HHIPL2: variants seen among roughly 807,000 people sequenced by gnomAD.
The protein encoded by HHIPL2 is HHIP like 2, also known as HHIP-like protein 2.
A neutral mutation model predicts 61.0 loss-of-function variants in HHIPL2; 61 were observed. The ratio of observed to expected loss-of-function variants is 1.00; its 90% CI spans 0.81 to 1.24. The LOEUF is 1.24. Ranked by LOEUF, HHIPL2 falls within the 50% of genes most tolerant of loss-of-function variation. HHIPL2 has a pLI of 0.00. For synonymous variants in HHIPL2, 343 were observed against 357.4 expected (o/e 0.96, Z 0.45); for missense variants, 885 against 910.2 (o/e 0.97, Z 0.36).
chr1:222,529,553 C>A (rs774731404), intron 6 of HHIPL2, among the ~76,000 whole-genome samples: 4 of 152,258 alleles, frequency 2.6e-5, no homozygotes, highest in Non-Finnish European at 5.9e-5. Flanking sequence ...TAGGAGAAAA[C>A]AATGCTAGAA....
At position 222,547,706 on chromosome 1, in the gene HHIPL2, G is replaced by A. The variant is rs1412416287; in HGVS notation, c.321+18C>T. 6.2e-7 allele frequency: 1 copy of A among 1,603,582 alleles called. No homozygotes were observed. The highest frequency in any genetic ancestry group is 2.2e-5 in the East Asian group (1 of 44,674). ...CCCAGCACCCAAACCCCTGGGGCTG[G>A]AAGGCACTTTTCACTACCTGGCAAA... On this transcript the variant is annotated intron_variant, in intron 1 of 8. Transcript: ENST00000343410.
rs975237961 is a variant in HHIPL2, at chr1:222,522,479, C to A, written c.*122G>T. ...CAAGATTTCCCAGGGAGAGGAAAAC[C>A]GCCCTGCCCCACCTCTACCCTGGCT... On this transcript the variant is annotated 3_prime_UTR_variant, in exon 9 of 9. Coordinates refer to ENST00000343410, the MANE Select transcript of HHIPL2 (RefSeq NM_024746.4). 8 of 1,024,038 alleles carry A rather than the reference C, an allele frequency of 7.8e-6. No individual in the cohort carries two copies. In the Admixed American group the frequency reaches 1.8e-4, roughly 23 times the overall value. 63.4% of individuals were successfully genotyped at this position (1,024,038 alleles called of 1,614,324 possible). A position where few individuals can be genotyped will look rare whatever the true frequency, so the allele number is the denominator to read the frequency against.
Position 222,542,023 on chromosome 1 carries a change from A to T in HHIPL2, c.1107T>A (p.Asn369Lys). ...CCCATCCAGCTTACTTGTTCTGAGCATTTCCAAACAGGCCAAAGGGATCTC... is the reference window on the plus strand; with the variant it reads ...CCCATCCAGCTTACTTGTTCTGAGCTTTTCCAAACAGGCCAAAGGGATCTC... ...QAGDPFGLFGNAQNKSSLLGK... is the reference protein window; with the variant it reads ...QAGDPFGLFGKAQNKSSLLGK... The change falls in exon 3 of 9, where the codon AAT (asparagine) becomes AAA (lysine). Residue 369 changes from asparagine (N) to lysine (K), a missense_variant. By Grantham distance (94) the Asn-to-Lys change is moderately conservative. Coordinates refer to ENST00000343410, the MANE Select transcript of HHIPL2 (RefSeq NM_024746.4). 6.2e-7 allele frequency: 1 copy of T among 1,612,086 alleles called. No homozygotes were observed.
intron 5 of HHIPL2, among the ~76,000 whole-genome samples, chr1:222,537,579 C>T (rs1244970125): frequency 6.6e-6 from 1 of 150,696 alleles, no homozygotes; most frequent in East Asian, 2.0e-4. Context: ...TTGCAGTGAG[C>T]CGAGATCGCA....
chr1:222,540,174 C>T lies in HHIPL2; in HGVS notation c.1286G>A (p.Gly429Glu), dbSNP rs2102619469. The stretch of plus-strand genomic sequence containing the variant: ...TCGGCCCTGGCGCGTGATGGGGTCC[C>T]CTCGGTCCACAGCACAACGCCACAT... ...RNMWRCAVDR[G>E]DPITRQGRGR... is the part of the protein sequence containing the mutation. Residue 429 changes from glycine to glutamate, a missense_variant, in exon 4 of 9, where the codon GGG becomes GAG. Transcript: ENST00000343410. 3.7e-6 allele frequency: 6 copies of T among 1,614,260 alleles called. No homozygotes were observed. The highest frequency in any genetic ancestry group is 3.3e-4 in the Middle Eastern group (2 of 6,062).
At chr1:222,541,376 T>C (rs542308492) in intron 3 of HHIPL2, among the ~76,000 whole-genome samples, 104 of 152,322 alleles carry the variant, frequency 6.8e-4, no homozygotes, top group Admixed American at 2.3e-3. Flanking sequence ...TTACTCATTG[T>C]ACGACCTCTG....
In HHIPL2 at chr1:222,522,395, A is replaced by G; in HGVS notation, c.*206T>C. ...CCCAGGTGCACCAGCAATCTGGGAT[A>G]TGGTCTCCCACAGAAGCACTGCATA... On this transcript the variant is annotated 3_prime_UTR_variant, in exon 9 of 9. Transcript: ENST00000343410. The G allele has an allele frequency of 1.7e-6, 1 of 603,092 alleles. No individual in the cohort carries two copies. The highest frequency in any genetic ancestry group is 2.9e-6 in the Non-Finnish European group (1 of 341,084). The allele number at this position is 603,092 out of a possible 1,614,324, so 37.4% of individuals were successfully genotyped here.
intron 7 of HHIPL2, among the ~76,000 whole-genome samples, chr1:222,525,735 A>C (rs1474111432): frequency 6.6e-6 from 1 of 152,188 alleles, no homozygotes; most frequent in Non-Finnish European, 1.5e-5. Context: ...ATGGTGGCAC[A>C]CACCTGTAAT....
chr1:222,522,952 A>G (rs1293426643), intron 8 of HHIPL2, 65 bp from the exon 9 acceptor site: 3 of 1,311,026 alleles, frequency 2.3e-6, no homozygotes, highest in South Asian at 1.3e-5. Flanking sequence ...AGAGAAAACT[A>G]TAACTGCATT....
intron 5 of HHIPL2, among the ~76,000 whole-genome samples, chr1:222,532,499 AGCTACTCGGGAG>A (rs1200896058): frequency 6.6e-6 from 1 of 152,068 alleles, no homozygotes; most frequent in Non-Finnish European, 1.5e-5. Context: ...CTATAGTCCC[AGCTACTCGGGAG>A]GCTGAGGCAC....
intron 6 of HHIPL2, among the ~76,000 whole-genome samples, chr1:222,529,413 G>T (rs917145190): frequency 6.6e-6 from 1 of 152,120 alleles, no homozygotes; most frequent in Admixed American, 6.6e-5. Flanking sequence ...GTGTACACAG[G>T]CAGGGGCCCC....
chr1:222,525,665 G>A (rs1317598899), intron 7 of HHIPL2, among the ~76,000 whole-genome samples: 1 of 152,182 alleles, frequency 6.6e-6, no homozygotes, highest in Non-Finnish European at 1.5e-5. Context: ...TAATTCAGGG[G>A]GAGATTTTCT....
intron 7 of HHIPL2, among the ~76,000 whole-genome samples, chr1:222,526,000 T>TAAATAAA (rs752254906): frequency 2.5e-4 from 38 of 151,572 alleles, no homozygotes; most frequent in African/African-American, 8.7e-4. Context: ...CTGTGTCTAT[T>TAAATAAA]AAATAAAAAA....
In HHIPL2 at chr1:222,540,296, T is replaced by C; in HGVS notation, c.1164A>G (p.Ala388=). The change falls in exon 4 of 9, where the codon GCA becomes GCG. Residue 388 remains alanine, a synonymous_variant. Coordinates refer to ENST00000343410, the MANE Select transcript of HHIPL2 (RefSeq NM_024746.4). ...GKVLRIDVNR[A]GSHGKRYRVP... ...CTCGGTACCGCTTGCCATGTGAGCCTGCCCTGTTCACATCGATCCTTAAAA... is the reference window on the plus strand; with the variant it reads ...CTCGGTACCGCTTGCCATGTGAGCCCGCCCTGTTCACATCGATCCTTAAAA... 6.2e-7 allele frequency: 1 copy of C among 1,613,924 alleles called. No individual in the cohort carries two copies. Among genetic ancestry groups the C allele is most frequent in the South Asian group, 1.1e-5 (1 of 91,018 alleles).
chr1:222,547,181 A>G (rs1271585441), intron 1 of HHIPL2, among the ~76,000 whole-genome samples: 2 of 152,206 alleles, frequency 1.3e-5, no homozygotes, highest in Non-Finnish European at 2.9e-5. Flanking sequence ...AGCAGCTTGC[A>G]TCTCTCTCTT....
At chr1:222,534,577 T>TAAAAAAAAA (rs67437927) in intron 5 of HHIPL2, among the ~76,000 whole-genome samples, 28 of 72,612 alleles carry the variant, frequency 3.9e-4, no homozygotes, top group East Asian at 1.4e-3. Context: ...ACTCCATCTC[T>TAAAAAAAAA]AAAAAAAAAA....
At chr1:222,544,273 A>C in intron 1 of HHIPL2, 84 bp from the exon 2 acceptor site, 4 of 1,425,784 alleles carry the variant, frequency 2.8e-6, no homozygotes, top group South Asian at 1.3e-5. Flanking sequence ...CAGAAAGAAA[A>C]AATGGTGCTA....
chr1:222,527,696 G>C (rs149077732), intron 6 of HHIPL2, among the ~76,000 whole-genome samples: 1 of 152,276 alleles, frequency 6.6e-6, no homozygotes, highest in East Asian at 1.9e-4. Flanking sequence ...ATTCCCACAT[G>C]TTGTGGGAGT....
intron 4 of HHIPL2, 140 bp downstream of exon 4, chr1:222,539,870 G>A: frequency 1.5e-6 from 1 of 685,622 alleles, no homozygotes; most frequent in South Asian, 1.9e-5. Flanking sequence ...AGGACCGGTT[G>A]GAGAAGCACT....
Sources: allele counts gnomAD v4.1 joint callset (sites outside exome capture counted in the v4.1 genomes callset), GRCh38; gene constraint gnomAD v4.1.1; transcripts MANE v1.5; gene names NCBI Gene and HGNC (gene_info 2026-07-23, HGNC 2026-07-21).